THOC5: variants seen among roughly 807,000 people sequenced by gnomAD.
THOC5 encodes the protein THO complex subunit 5.
Under a neutral mutation model 92.9 loss-of-function variants are expected in THOC5, and 43 were observed. The observed-to-expected ratio is 0.46, with a 90% confidence interval of 0.36 to 0.60. The LOEUF (loss-of-function observed/expected upper bound fraction) is 0.60. THOC5 is among the 20% of genes least tolerant of loss of function. The pLI is 0.00. For synonymous variants in THOC5, 296 were observed against 320.1 expected, an observed-to-expected ratio of 0.92 and a Z score of 0.80; for missense variants, 659 against 849.4, an observed-to-expected ratio of 0.78 and a Z score of 2.79.
intron 15 of THOC5, among the ~76,000 whole-genome samples, chr22:29,517,676 A>C (rs563738996): frequency 6.6e-6 from 1 of 152,260 alleles, no homozygotes; most frequent in Non-Finnish European, 1.5e-5. Flanking sequence ...CCCCTGCAGC[A>C]GTGACTGTTA....
In THOC5 at chr22:29,519,945, G is replaced by GAGTCT; in HGVS notation, c.1374+58_1374+62dup. On this transcript the variant is annotated intron_variant, in intron 14 of 19. Transcript: ENST00000490103. The stretch of plus-strand genomic sequence containing the variant: ...CACCGCACCTGGCCTGGCCTTTCTA[G>GAGTCT]AGTCTATACAGGAAGAGAAGAGGTA... 2.1e-6 allele frequency: 3 copies of GAGTCT among 1,413,778 alleles called. No individual in the cohort carries two copies. The East Asian group carries it at 6.9e-5, about 33-fold the overall frequency. The allele number at this position is 1,413,778 out of a possible 1,614,324, so 87.6% of individuals were successfully genotyped here. A position where few individuals can be genotyped will look rare whatever the true frequency, so the allele number is the denominator to read the frequency against.
intron 15 of THOC5, among the ~76,000 whole-genome samples, chr22:29,518,371 C>G (rs991366920): frequency 1.3e-5 from 2 of 152,088 alleles, no homozygotes; most frequent in Admixed American, 1.3e-4. Flanking sequence ...TGACCCCATC[C>G]CCCTGCCACA....
intron 1 of THOC5, among the ~76,000 whole-genome samples, chr22:29,552,265 G>A (rs181642409): frequency 1.3e-5 from 2 of 151,118 alleles, no homozygotes; most frequent in African/African-American, 4.9e-5. Flanking sequence ...GATGTGAGGA[G>A]CCCCTCTGCC....
chr22:29,542,482 G>A (rs2063917613), intron 5 of THOC5, among the ~76,000 whole-genome samples: 1 of 152,178 alleles, frequency 6.6e-6, no homozygotes, highest in African/African-American at 2.4e-5. Context: ...GAGAGACTTA[G>A]GCTGGGAGCG....
intron 17 of THOC5, 34 bp downstream of exon 17, chr22:29,516,995 T>C (rs750725937): frequency 1.9e-6 from 3 of 1,610,308 alleles, no homozygotes; most frequent in Non-Finnish European, 2.5e-6. Context: ...CAGCGCCCTT[T>C]GTCTAGAACC....
intron 7 of THOC5, chr22:29,536,102 T>TA (rs2063755241): frequency 6.6e-6 from 1 of 152,384 alleles, no homozygotes; most frequent in Admixed American, 6.5e-5. Context: ...TCTTGCTTCA[T>TA]AAAATTATAA....
chr22:29,544,838 CA>C (rs2063981461), intron 2 of THOC5, among the ~76,000 whole-genome samples: 1 of 152,092 alleles, frequency 6.6e-6, no homozygotes, highest in Admixed American at 6.6e-5. Flanking sequence ...TCAGAATATA[CA>C]GAGGAGTATC....
rs776349552 is a variant in THOC5 at position 29,508,172 on chromosome 22, ATC to A, written c.*283_*284del. On this transcript the variant is annotated 3_prime_UTR_variant, in exon 20 of 20. Coordinates refer to ENST00000490103, the MANE Select transcript of THOC5 (RefSeq NM_003678.5). Reference sequence around the variant, plus strand: ...GGGTGTGCGTAGACAAGAGGTGAGCATCTCTCTGCAGAATTGGAATCTTTTTC... The same window carrying A: ...GGGTGTGCGTAGACAAGAGGTGAGCATCTCTGCAGAATTGGAATCTTTTTC... 112 of 471,428 alleles carry A rather than the reference ATC, an allele frequency of 2.4e-4. No individual in the cohort carries two copies. Among genetic ancestry groups the A allele is most frequent in the Middle Eastern group, 5.6e-4 (1 of 1,770 alleles). 29.2% of individuals were successfully genotyped at this position (471,428 alleles called of 1,614,324 possible). A position where few individuals can be genotyped will look rare whatever the true frequency, so the allele number is the denominator to read the frequency against.
chr22:29,532,557 C>T (rs1001118192), intron 7 of THOC5, among the ~76,000 whole-genome samples: 5 of 150,266 alleles, frequency 3.3e-5, no homozygotes, highest in African/African-American at 7.4e-5. Context: ...CCCAGCTACT[C>T]GGGAGGCTGA....
chr22:29,530,712 T>G (rs1039529636), intron 8 of THOC5, among the ~76,000 whole-genome samples: 1 of 152,166 alleles, frequency 6.6e-6, no homozygotes, highest in Non-Finnish European at 1.5e-5. Context: ...GCCTGTTGCA[T>G]ACACCAGGTA....
rs765406287 is a variant in THOC5 at position 29,512,022 on chromosome 22, C to T, written c.1796G>A (p.Arg599Gln). 20 of 1,613,612 alleles carry T rather than the reference C, an allele frequency of 1.2e-5. No individual in the cohort carries two copies. The highest frequency in any genetic ancestry group is 9.3e-5 in the African/African-American group (7 of 74,920). The change falls in exon 18 of 20, where the codon CGG becomes CAG. Residue 599 changes from arginine to glutamine, a missense_variant and splice_region_variant. By Grantham distance (43) the Arg-to-Gln change is conservative. Coordinates refer to ENST00000490103, the MANE Select transcript of THOC5 (RefSeq NM_003678.5). ...EKTNSNDDNI[R>Q]AMEGEVNVCY... ...CTGTCATCCCCAGCTGGGTCTTACC[C>T]GAATGTTGTCATCGTTGCTGTTGGT...
rs1473494258 is a variant in THOC5 at position 29,531,975 on chromosome 22, A to C, written c.715-12T>G. 3 of 1,612,864 alleles carry C rather than the reference A, an allele frequency of 1.9e-6. No homozygotes were observed. The African/African-American group carries it at 4.0e-5, about 22-fold the overall frequency. ...ACCGGAAGGGAAGCCTGCACACAAG[A>C]GACAGATTTTTGTTCTTCCTTTTTT... On this transcript the variant is annotated splice_polypyrimidine_tract_variant and intron_variant, in intron 7 of 19. Coordinates refer to ENST00000490103, the MANE Select transcript of THOC5 (RefSeq NM_003678.5).
At chr22:29,552,557 C>T (rs919808970) in intron 1 of THOC5, among the ~76,000 whole-genome samples, 14 of 151,188 alleles carry the variant, frequency 9.3e-5, no homozygotes, top group Non-Finnish European at 1.3e-4. Flanking sequence ...CGGCCAGCCG[C>T]CCCGTCCGGG....
At chr22:29,540,988 G>A (rs888653428) in intron 5 of THOC5, among the ~76,000 whole-genome samples, 1 of 152,090 alleles carries the variant, frequency 6.6e-6, no homozygotes, top group African/African-American at 2.4e-5. Flanking sequence ...AGGTCGAAAT[G>A]GGTGCATCAT....
chr22:29,546,170 G>A (rs896246578), intron 2 of THOC5, among the ~76,000 whole-genome samples: 1 of 152,156 alleles, frequency 6.6e-6, no homozygotes, highest in African/African-American at 2.4e-5. Flanking sequence ...GGACTGGCTG[G>A]GACACAGGGC....
intron 2 of THOC5, chr22:29,545,036 C>G (rs779809421): frequency 8.4e-5 from 36 of 427,766 alleles, no homozygotes; most frequent in South Asian, 6.0e-4. Context: ...AAACTGGGAA[C>G]AAAAAGAGGT....
intron 19 of THOC5, 137 bp downstream of exon 19, chr22:29,510,969 A>C: frequency 1.1e-6 from 1 of 884,984 alleles, no homozygotes; most frequent in South Asian, 1.7e-5. Context: ...AGTGAAAAAC[A>C]GGTGGACCAG....
At chr22:29,526,007 G>T in intron 11 of THOC5, 61 bp from the exon 12 acceptor site, 1 of 786,216 alleles carries the variant, frequency 1.3e-6, no homozygotes. Context: ...AGTGAACAGA[G>T]TCATAGGGGG....
intron 11 of THOC5, among the ~76,000 whole-genome samples, chr22:29,526,583 G>A (rs1332519344): frequency 6.6e-6 from 1 of 151,690 alleles, no homozygotes; most frequent in Non-Finnish European, 1.5e-5. Context: ...GAAGCAAGGA[G>A]AGCATCTACA....
Sources: allele counts gnomAD v4.1 joint callset (sites outside exome capture counted in the v4.1 genomes callset), GRCh38; gene constraint gnomAD v4.1.1; transcripts MANE v1.5; gene names NCBI Gene and HGNC (gene_info 2026-07-23, HGNC 2026-07-21).